Variants in SETD2 observed in about 807,000 individuals in gnomAD.
SETD2 encodes the protein histone-lysine N-methyltransferase SETD2.
SETD2 carries 31 observed loss-of-function variants against 242.1 expected under a neutral mutation model. The observed-to-expected ratio is 0.13, with a 90% CI of 0.10 to 0.17. The LOEUF is 0.17. Among genes scored for constraint, SETD2 ranks in the 10% least tolerant of loss-of-function variants. SETD2 has a pLI of 1.00. For synonymous variants in SETD2, 1,006 were observed against 1,066.5 expected, an observed-to-expected ratio of 0.94 and a Z score of 1.11; for missense variants, 2,481 against 3,046.3, an observed-to-expected ratio of 0.81 and a Z score of 4.37.
chr3:47,023,797 G>T (rs2038347424), intron 18 of SETD2, among the ~76,000 whole-genome samples: 1 of 152,196 alleles, frequency 6.6e-6, no homozygotes, highest in African/African-American at 2.4e-5. Context: ...GCATATGGGA[G>T]TATGTGCGTA....
chr3:47,046,405 A>G (rs2039532747), intron 16 of SETD2, 82 bp downstream of exon 16: 8 of 1,324,882 alleles, frequency 6.0e-6, no homozygotes, highest in African/African-American at 1.5e-5. Flanking sequence ...AATAAAACCC[A>G]AAACAAATCC....
In SETD2 at chr3:47,122,699, T is replaced by C. The variant is rs2043150032; in HGVS notation, c.1937A>G (p.His646Arg). 3 of 1,612,408 alleles carry C rather than the reference T, an allele frequency of 1.9e-6. No homozygotes were observed. Among genetic ancestry groups the C allele is most frequent in the African/African-American group, 1.3e-5 (1 of 74,784 alleles). The change falls in exon 3 of 21, where the codon CAT becomes CGT. Residue 646 changes from histidine to arginine, a missense_variant. His to Arg is a conservative substitution (Grantham distance 29). This residue lies in a region of SETD2 where 1,300 missense variants were observed against 1,259.2 expected (regional missense o/e 1.03). Transcript: ENST00000409792. ...AGAGTCTAATTCCTTAATACTATCA[T>C]GGCTATCATGTGTTATAAATTCGGA... Reference protein sequence around the residue: ...FKSEFITHDSHDSIKELDSLS... With the variant: ...FKSEFITHDSRDSIKELDSLS...
intron 15 of SETD2, among the ~76,000 whole-genome samples, chr3:47,049,986 T>C (rs544606771): frequency 2.4e-4 from 36 of 147,292 alleles, no homozygotes; most frequent in African/African-American, 8.1e-4. Flanking sequence ...TTCTTATATA[T>C]ATAAATTTAT....
rs1292986984 is a variant in SETD2 at position 47,123,998 on chromosome 3, G to C, written c.638C>G (p.Ala213Gly). 6.4e-7 allele frequency: 1 copy of C among 1,552,142 alleles called. No individual in the cohort carries two copies. Among genetic ancestry groups the C allele is most frequent in the Admixed American group, 2.0e-5 (1 of 50,998 alleles). ...SSPAPVTEPV[A>G]LPHTPITVLM... ...AACTGTTATTGGTGTATGTGGCAAGGCCACTGGCTCTGTTACTGGTGCTGG... is the reference window on the plus strand; with the variant it reads ...AACTGTTATTGGTGTATGTGGCAAGCCCACTGGCTCTGTTACTGGTGCTGG... The change falls in exon 3 of 21, where the codon GCC (alanine) becomes GGC (glycine). Residue 213 changes from alanine to glycine, a missense_variant. Ala to Gly is a moderately conservative substitution (Grantham distance 60). Around this residue, in one of 17 missense-constraint regions of SETD2, gnomAD observed 334 missense variants for 374.5 expected, o/e 0.89. Coordinates refer to ENST00000409792, the MANE Select transcript of SETD2 (RefSeq NM_014159.7).
At chr3:47,087,389 T>A (rs2041607450) in intron 10 of SETD2, among the ~76,000 whole-genome samples, 1 of 152,136 alleles carries the variant, frequency 6.6e-6, no homozygotes, top group Non-Finnish European at 1.5e-5. Context: ...TCATCAGGCA[T>A]TAGATTCTCA....
intron 18 of SETD2, among the ~76,000 whole-genome samples, chr3:47,031,928 A>C (rs2038788400): frequency 6.6e-6 from 1 of 152,230 alleles, no homozygotes; most frequent in South Asian, 2.1e-4. Context: ...ACTGTTTTCC[A>C]AAACTAAAGC....
At chr3:47,087,208 CA>C (rs531462349) in intron 10 of SETD2, among the ~76,000 whole-genome samples, 1,804 of 92,950 alleles carry the variant, frequency 0.019, 28 homozygotes, top group African/African-American at 0.057. Flanking sequence ...TGAATTATTA[CA>C]AAAAAAAAAA....
rs549212340 is a variant in SETD2 at position 47,101,625 on chromosome 3, T to C, written c.4918-70A>G. ...GTGTGTGTGTGTGTGTGTGTGTGTG[T>C]GTGTGTGTGCGCATATATAAAGATC... On this transcript the variant is annotated intron_variant, in intron 7 of 20. Coordinates refer to ENST00000409792, the MANE Select transcript of SETD2 (RefSeq NM_014159.7). The C allele has an allele frequency of 3.3e-5, 28 of 847,608 alleles. No homozygotes were observed. The East Asian group carries it at 6.7e-4, about 20-fold the overall frequency. The allele number at this position is 847,608 out of a possible 1,614,324, so 52.5% of individuals were successfully genotyped here.
chr3:47,148,849 G>A (rs1250021201), intron 1 of SETD2, among the ~76,000 whole-genome samples: 1 of 152,118 alleles, frequency 6.6e-6, no homozygotes, highest in Non-Finnish European at 1.5e-5. Flanking sequence ...ATCACTACAT[G>A]GAATAATGGT....
intron 18 of SETD2, among the ~76,000 whole-genome samples, chr3:47,035,847 G>A (rs1480137869): frequency 2.6e-5 from 4 of 152,140 alleles, no homozygotes; most frequent in Non-Finnish European, 4.4e-5. Flanking sequence ...ATTTTTGTTT[G>A]TATTTAAGCT....
chr3:47,144,767 T>C (rs1309213435), intron 1 of SETD2, among the ~76,000 whole-genome samples: 2 of 152,084 alleles, frequency 1.3e-5, no homozygotes, highest in African/African-American at 4.8e-5. Flanking sequence ...CAGTAGTTCA[T>C]GCCAACGTGG....
At chr3:47,139,788 T>G (rs1159158451) in intron 1 of SETD2, among the ~76,000 whole-genome samples, 1 of 152,170 alleles carries the variant, frequency 6.6e-6, no homozygotes, top group African/African-American at 2.4e-5. Flanking sequence ...AATAAAGCTA[T>G]GAGTGATACA....
chr3:47,085,405 C>T (rs560111996), intron 11 of SETD2, among the ~76,000 whole-genome samples: 1 of 152,252 alleles, frequency 6.6e-6, no homozygotes, highest in Non-Finnish European at 1.5e-5. Flanking sequence ...GCAGACATCT[C>T]TTCAGCTTTT....
rs547000043 is a variant in SETD2 at position 47,115,783 on chromosome 3, T to C, written c.4586+840A>G. On this transcript the variant is annotated intron_variant, in intron 4 of 20. Coordinates refer to ENST00000409792, the MANE Select transcript of SETD2 (RefSeq NM_014159.7). ...CCTCAGCCTCCAGAGTAGCTGGGATTACAGGTGTGTGTCATCATGCCTGGC... is the reference window on the plus strand; with the variant it reads ...CCTCAGCCTCCAGAGTAGCTGGGATCACAGGTGTGTGTCATCATGCCTGGC... 2.6e-5 allele frequency among the ~76,000 whole-genome samples: 4 copies of C among 152,258 alleles called. No homozygotes were observed. The South Asian group carries it at 8.3e-4, about 32-fold the overall frequency.
chr3:47,105,643 C>G (rs751159737), intron 6 of SETD2: 32 of 443,662 alleles, frequency 7.2e-5, no homozygotes, highest in Non-Finnish European at 1.3e-4. Flanking sequence ...AGAAATCAGT[C>G]GGCAGGACAC....
At chr3:47,035,925 G>C (rs1242233087) in intron 18 of SETD2, among the ~76,000 whole-genome samples, 1 of 152,230 alleles carries the variant, frequency 6.6e-6, no homozygotes, top group African/African-American at 2.4e-5. Context: ...AGGAAAACAA[G>C]ACAGCACAAC....
chr3:47,152,666 A>T (rs2044014332), intron 1 of SETD2, among the ~76,000 whole-genome samples: 1 of 152,214 alleles, frequency 6.6e-6, no homozygotes, highest in African/African-American at 2.4e-5. Context: ...CTAACCATGA[A>T]GCAAATAGTG....
At chr3:47,144,114 T>C (rs149532576) in intron 1 of SETD2, among the ~76,000 whole-genome samples, 151 of 152,300 alleles carry the variant, frequency 9.9e-4, no homozygotes, top group African/African-American at 3.4e-3. Context: ...AACAGCTCAC[T>C]TGAGGAGGCC....
At chr3:47,034,445 G>T (rs1261695555) in intron 18 of SETD2, among the ~76,000 whole-genome samples, 1 of 152,122 alleles carries the variant, frequency 6.6e-6, no homozygotes, top group Non-Finnish European at 1.5e-5. Context: ...TCCTTCCTAG[G>T]ATAGACTATA....
Sources: gnomAD v4.1 joint callset for allele counts (sites outside exome capture counted in the v4.1 genomes callset) on GRCh38, gnomAD v4.1.1 for gene constraint, gnomAD v4.1.1 regional missense constraint, MANE v1.5 for transcripts, NCBI Gene and HGNC (gene_info 2026-07-23, HGNC 2026-07-21) for gene names.